Variants in COL6A1 observed in about 807,000 individuals in gnomAD.
The protein encoded by COL6A1 is collagen alpha-1(VI) chain.
Under a neutral mutation model 145.6 loss-of-function variants are expected in COL6A1, and 80 were observed. The observed-to-expected ratio is 0.55, with a 90% CI of 0.46 to 0.66. The LOEUF (loss-of-function observed/expected upper bound fraction) is 0.66. Among genes scored for constraint, COL6A1 ranks in the 30% least tolerant of loss-of-function variants. The probability of loss-of-function intolerance (pLI) is 0.00; values close to 1 mark genes in which losing one functional copy is unlikely to be tolerated. For missense variants in COL6A1, 1,364 were observed against 1,473.8 expected (o/e 0.93, Z 1.22); for synonymous variants, 638 against 622.8 (o/e 1.02, Z -0.36).
chr21:45,991,056 GC>G lies in COL6A1; in HGVS notation c.1119+19del, dbSNP rs750949530. 4 of 1,613,118 alleles carry G rather than the reference GC, an allele frequency of 2.5e-6. No individual in the cohort carries two copies. The highest frequency in any genetic ancestry group is 3.4e-6 in the Non-Finnish European group (4 of 1,179,914). On this transcript the variant is annotated intron_variant, in intron 15 of 34. Transcript: ENST00000361866. Reference sequence around the variant, plus strand: ...AAGGAGAAAAGGTGAGTGACTTGCGGCCCCTGGAGGACCAGGGCCTTCACGG... The same window carrying G: ...AAGGAGAAAAGGTGAGTGACTTGCGGCCCTGGAGGACCAGGGCCTTCACGG...
chr21:46,002,474 G>A, intron 32 of COL6A1, 53 bp from the exon 33 acceptor site: 2 of 1,613,446 alleles, frequency 1.2e-6, no homozygotes, highest in African/African-American at 1.3e-5. Context: ...CTTGTCCCCA[G>A]AAAGACGAGG....
At position 46,004,026 on chromosome 21, in the gene COL6A1, G is replaced by A. The variant is rs376729246; in HGVS notation, c.*13G>A. 3.4e-5 allele frequency: 55 copies of A among 1,612,838 alleles called. No individual in the cohort carries two copies. Among genetic ancestry groups the A allele is most frequent in the East Asian group, 4.5e-5 (2 of 44,880 alleles). ...GGCGCTGGGCTAGCCCACCCTGCACGCCGGCACCAAACCCTGTCCTCCCAC... is the reference window on the plus strand; with the variant it reads ...GGCGCTGGGCTAGCCCACCCTGCACACCGGCACCAAACCCTGTCCTCCCAC... On this transcript the variant is annotated 3_prime_UTR_variant, in exon 35 of 35. Coordinates refer to ENST00000361866, the MANE Select transcript of COL6A1 (RefSeq NM_001848.3).
chr21:45,997,855 C>A, intron 22 of COL6A1, 93 bp downstream of exon 22: 1 of 1,402,986 alleles, frequency 7.1e-7, no homozygotes, highest in Non-Finnish European at 9.7e-7. Context: ...TGCCTGGGGT[C>A]CCTGACCGGG....
chr21:45,982,036 G>A (rs1226432618), intron 1 of COL6A1, 89 bp downstream of exon 1: 1 of 1,078,884 alleles, frequency 9.3e-7, no homozygotes, highest in Non-Finnish European at 1.4e-6. Context: ...CCCACGCGTG[G>A]AACTGCAGAC....
intron 27 of COL6A1, among the ~76,000 whole-genome samples, chr21:46,000,000 G>GA (rs2077832931): frequency 9.7e-5 from 1 of 10,328 alleles, no homozygotes; most frequent in Non-Finnish European, 2.1e-4. Context: ...TGAGGATCAT[G>GA]GGGGACCCGT....
chr21:45,991,174 G>A, intron 15 of COL6A1, 133 bp downstream of exon 15: 1 of 995,286 alleles, frequency 1.0e-6, no homozygotes. Context: ...GGAGGAGCTG[G>A]TGGAGGCTGG....
intron 8 of COL6A1, 93 bp from the exon 9 acceptor site, chr21:45,988,991 C>A: frequency 6.8e-7 from 1 of 1,473,422 alleles, no homozygotes; most frequent in South Asian, 1.2e-5. Context: ...TCCCTGAAGG[C>A]TGGATGAAGC....
chr21:46,000,238 C>A, intron 27 of COL6A1, 93 bp from the exon 28 acceptor site: 2 of 1,519,930 alleles, frequency 1.3e-6, no homozygotes, highest in Admixed American at 3.3e-5. Flanking sequence ...CCTGTGGGGG[C>A]CCCAGGGAGG....
At chr21:45,984,681 GAGAGAC>G (rs199643566) in intron 3 of COL6A1, among the ~76,000 whole-genome samples, 2 of 151,920 alleles carry the variant, frequency 1.3e-5, no homozygotes, top group Non-Finnish European at 2.9e-5. Flanking sequence ...CAGACACAGA[GAGAGAC>G]AGAGACAGAG....
intron 1 of COL6A1, 58 bp downstream of exon 1, chr21:45,982,005 G>A: frequency 7.2e-7 from 1 of 1,390,652 alleles, no homozygotes; most frequent in South Asian, 1.2e-5. Context: ...GCCGGCCAGG[G>A]CCAGATGCGC....
rs568390592 is a variant in COL6A1 at position 45,982,088 on chromosome 21, G to T, written c.97+141G>T. ...CTGAACCCCACTCCCCGCTCGGGGCGGCTGCAGCGCCCAGCTCTGCCCCAC... is the reference window on the plus strand; with the variant it reads ...CTGAACCCCACTCCCCGCTCGGGGCTGCTGCAGCGCCCAGCTCTGCCCCAC... On this transcript the variant is annotated intron_variant, in intron 1 of 34. Transcript: ENST00000361866. 1.5e-5 allele frequency: 11 copies of T among 743,690 alleles called. No homozygotes were observed. The African/African-American group carries it at 1.9e-4, about 13-fold the overall frequency. 46.1% of individuals were successfully genotyped at this position (743,690 alleles called of 1,614,324 possible).
intron 11 of COL6A1, 44 bp from the exon 12 acceptor site, chr21:45,990,214 C>T (rs760973455): frequency 6.3e-7 from 1 of 1,592,978 alleles, no homozygotes; most frequent in African/African-American, 1.3e-5. Flanking sequence ...GCCCTGCCCT[C>T]CCCACCCCAA....
intron 33 of COL6A1, 152 bp downstream of exon 33, chr21:46,002,862 A>G (rs1310447610): frequency 1.7e-6 from 2 of 1,157,952 alleles, no homozygotes; most frequent in Non-Finnish European, 2.5e-6. Context: ...GCCGTCCCAG[A>G]TCTGTGTAGG....
chr21:45,996,807 G>A (rs970006755), intron 20 of COL6A1, among the ~76,000 whole-genome samples: 3 of 152,188 alleles, frequency 2.0e-5, no homozygotes, highest in African/African-American at 7.2e-5. Flanking sequence ...GCCAGCTCTG[G>A]AAATAGACCC....
rs112799154 is a variant in COL6A1, at chr21:45,999,935, TGGGG to T, written c.1776+247_1776+250del. ...GATCATGGGGGACATGTGAGGATCATGGGGGGGACGTGTGAGGATCATGGGAGGA... is the reference window on the plus strand; with the variant it reads ...GATCATGGGGGACATGTGAGGATCATGGGACGTGTGAGGATCATGGGAGGA... On this transcript the variant is annotated intron_variant, in intron 27 of 34. Coordinates refer to ENST00000361866, the MANE Select transcript of COL6A1 (RefSeq NM_001848.3). Among the ~76,000 whole-genome samples the T allele has an allele frequency of 4.3e-3, 25 of 5,856 alleles. 2 individuals are homozygous for T. Among genetic ancestry groups the T allele is most frequent in the African/African-American group, 5.4e-3 (8 of 1,480 alleles). 3.8% of individuals were successfully genotyped at this position (5,856 alleles called of 152,430 possible). A position where few individuals can be genotyped will look rare whatever the true frequency, so the allele number is the denominator to read the frequency against.
At position 45,995,975 on chromosome 21, in the gene COL6A1, G is replaced by C. The variant is rs369181939; in HGVS notation, c.1399-1446G>C. On this transcript the variant is annotated intron_variant, in intron 20 of 34. Coordinates refer to ENST00000361866, the MANE Select transcript of COL6A1 (RefSeq NM_001848.3). The stretch of plus-strand genomic sequence containing the variant: ...GAACCTCCCTGCTCAGCCCTTGCCA[G>C]CCTTACCCCTCCCCTCCACCCTGCC... Among the ~76,000 whole-genome samples, 131 of 152,342 alleles carry C rather than the reference G, an allele frequency of 8.6e-4. 3 individuals are homozygous for C. The South Asian group carries it at 0.026, about 30-fold the overall frequency.
At position 45,992,053 on chromosome 21, in the gene COL6A1, C is replaced by T. The variant is rs369782293; in HGVS notation, c.1163C>T (p.Ser388Leu). Residue 388 changes from serine (S) to leucine (L), a missense_variant, in exon 16 of 35, where the codon TCG becomes TTG. Physicochemically the swap from Ser to Leu is moderately radical, Grantham distance 145. Coordinates refer to ENST00000361866, the MANE Select transcript of COL6A1 (RefSeq NM_001848.3). ...ADGEAGRPGSSGPSGDEGQPG... is the reference protein window; with the variant it reads ...ADGEAGRPGSLGPSGDEGQPG... ...GGGGAGGCGGGGAGACCAGGGAGCTCGGGACCATCTGGAGACGAGGTGAGG... is the reference window on the plus strand; with the variant it reads ...GGGGAGGCGGGGAGACCAGGGAGCTTGGGACCATCTGGAGACGAGGTGAGG... 55 of 1,610,022 alleles carry T rather than the reference C, an allele frequency of 3.4e-5. No individual in the cohort carries two copies. The highest frequency in any genetic ancestry group is 4.3e-5 in the Non-Finnish European group (51 of 1,178,628).
At chr21:45,997,302 C>G (rs1391383779) in intron 20 of COL6A1, 119 bp from the exon 21 acceptor site, 28 of 933,166 alleles carry the variant, frequency 3.0e-5, no homozygotes, top group Non-Finnish European at 3.5e-6. Flanking sequence ...ACTGATGGGA[C>G]TGGGGCCAGA....
rs113876477 is a variant in COL6A1, at chr21:46,002,212, A to G, written c.2067-6A>G. 5.8e-5 allele frequency: 93 copies of G among 1,598,562 alleles called. No individual in the cohort carries two copies. The African/African-American group carries it at 9.6e-4, about 17-fold the overall frequency. ...CAACCGGCCCTTCCTGCCCTTTGCT[A>G]TGCAGAGCCATCAAGAGCCTGCAGT... On this transcript the variant is annotated splice_polypyrimidine_tract_variant and splice_region_variant and intron_variant, in intron 31 of 34. Coordinates refer to ENST00000361866, the MANE Select transcript of COL6A1 (RefSeq NM_001848.3).
Sources: allele counts gnomAD v4.1 joint callset (sites outside exome capture counted in the v4.1 genomes callset), GRCh38; gene constraint gnomAD v4.1.1; transcripts MANE v1.5; gene names NCBI Gene and HGNC (gene_info 2026-07-23, HGNC 2026-07-21).